The following C9 variants were observed in gnomAD, a reference collection of about 807,000 sequenced individuals.
The protein encoded by C9 is complement C9, also known as complement component C9.
A neutral mutation model predicts 65.4 loss-of-function variants in C9; 63 were observed. The observed-to-expected ratio is 0.96, with a 90% CI of 0.79 to 1.19. C9 has a LOEUF of 1.19. Ranked by LOEUF, C9 falls within the 50% of genes most tolerant of loss-of-function variation. The pLI is 0.00. For missense variants in C9, 744 were observed against 670.1 expected (o/e 1.11, Z -1.22); for synonymous variants, 229 against 227.9 (o/e 1.00, Z -0.04).
In C9 at chr5:39,292,899, A is replaced by C. The variant is rs73749492; in HGVS notation, c.1417-3948T>G. 2.7e-3 allele frequency among the ~76,000 whole-genome samples: 281 copies of C among 104,440 alleles called. 1 individual carries two copies. The highest frequency in any genetic ancestry group is 7.7e-3 in the African/African-American group (270 of 35,058). 68.5% of individuals were successfully genotyped at this position (104,440 alleles called of 152,430 possible). A position where few individuals can be genotyped will look rare whatever the true frequency, so the allele number is the denominator to read the frequency against. On this transcript the variant is annotated intron_variant, in intron 9 of 10. Transcript: ENST00000263408. ...AATATTTTTTAAAAGAGACATGAGT[A>C]ATATATCAATACTGGAAATAAAATG...
intron 9 of C9, among the ~76,000 whole-genome samples, chr5:39,295,623 T>C (rs1445354197): frequency 6.6e-6 from 1 of 151,530 alleles, no homozygotes; most frequent in Non-Finnish European, 1.5e-5. Flanking sequence ...TTCAGTGCAA[T>C]CTCTATCAAA....
intron 5 of C9, among the ~76,000 whole-genome samples, chr5:39,329,974 T>C (rs1753813624): frequency 6.6e-6 from 1 of 152,206 alleles, no homozygotes; most frequent in South Asian, 2.1e-4. Context: ...ATAAGGGGAT[T>C]ATCAGCAGTG....
intron 1 of C9, among the ~76,000 whole-genome samples, chr5:39,355,271 C>T (rs1008505194): frequency 2.0e-5 from 3 of 152,162 alleles, no homozygotes; most frequent in Non-Finnish European, 4.4e-5. Flanking sequence ...CAGTCCATTA[C>T]TGGATAAATC....
intron 9 of C9, among the ~76,000 whole-genome samples, chr5:39,306,264 G>A (rs1407404867): frequency 1.3e-5 from 2 of 152,050 alleles, no homozygotes; most frequent in Admixed American, 6.6e-5. Context: ...AGGGGCCGAC[G>A]GGAGGGAACT....
rs1002852592 is a variant in C9, at chr5:39,334,028, C to T, written c.477-2214G>A. Among the ~76,000 whole-genome samples, 67 of 152,172 alleles carry T rather than the reference C, an allele frequency of 4.4e-4. 1 individual carries two copies. Among genetic ancestry groups the T allele is most frequent in the Admixed American group, 1.3e-3 (20 of 15,286 alleles). On this transcript the variant is annotated intron_variant, in intron 4 of 10. Coordinates refer to ENST00000263408, the MANE Select transcript of C9 (RefSeq NM_001737.5). ...GCCGAGATTGCAGCCTCTGCCCGGC[C>T]GCCACCCCGTCTGGGAAGTGAGGAG... is the stretch of plus-strand genomic sequence containing the variant.
chr5:39,300,588 A>G (rs888164139), intron 9 of C9, among the ~76,000 whole-genome samples: 1 of 152,096 alleles, frequency 6.6e-6, no homozygotes, highest in African/African-American at 2.4e-5. Context: ...CGTCTGGCAA[A>G]CATAGGTAAT....
chr5:39,302,904 G>A (rs149091388), intron 9 of C9, among the ~76,000 whole-genome samples: 1 of 152,070 alleles, frequency 6.6e-6, no homozygotes, highest in Non-Finnish European at 1.5e-5. Context: ...AACAAAATGA[G>A]ATTAAAGAGT....
At chr5:39,291,788 G>A (rs531961164) in intron 9 of C9, among the ~76,000 whole-genome samples, 95 of 151,872 alleles carry the variant, frequency 6.3e-4, no homozygotes, top group African/African-American at 2.2e-3. Flanking sequence ...CATGATAAAA[G>A]AGATGAAAAA....
intron 5 of C9, among the ~76,000 whole-genome samples, chr5:39,322,253 A>G (rs1416869783): frequency 6.6e-6 from 1 of 152,058 alleles, no homozygotes. Flanking sequence ...ACAATAAATA[A>G]GTCAATGAAG....
chr5:39,286,098 G>A (rs1752987105), intron 10 of C9, among the ~76,000 whole-genome samples: 1 of 152,008 alleles, frequency 6.6e-6, no homozygotes, highest in African/African-American at 2.4e-5. Flanking sequence ...TTTATATTGG[G>A]GAAGGGACCT....
chr5:39,317,755 A>G (rs569906989), intron 5 of C9, among the ~76,000 whole-genome samples: 16 of 152,298 alleles, frequency 1.1e-4, no homozygotes, highest in African/African-American at 3.4e-4. Context: ...GCCTTGTACT[A>G]TAGTTCGAAG....
At chr5:39,302,281 C>T (rs1300916690) in intron 9 of C9, among the ~76,000 whole-genome samples, 5 of 151,918 alleles carry the variant, frequency 3.3e-5, no homozygotes, top group South Asian at 2.1e-4. Context: ...ACTTTTTCTC[C>T]TATACTACAT....
intron 5 of C9, among the ~76,000 whole-genome samples, chr5:39,329,885 C>T (rs1753812611): frequency 6.6e-6 from 1 of 151,988 alleles, no homozygotes; most frequent in African/African-American, 2.4e-5. Flanking sequence ...AGATATTTCC[C>T]CTCATGTAAG....
At chr5:39,300,877 CT>C (rs2111863857) in intron 9 of C9, among the ~76,000 whole-genome samples, 1 of 152,046 alleles carries the variant, frequency 6.6e-6, no homozygotes, top group African/African-American at 2.4e-5. Flanking sequence ...ATTTTTCTTG[CT>C]TTATTTCACT....
At chr5:39,335,144 A>T (rs546597439) in intron 4 of C9, among the ~76,000 whole-genome samples, 1 of 152,346 alleles carries the variant, frequency 6.6e-6, no homozygotes, top group Admixed American at 6.5e-5. Context: ...ATGATAGTGA[A>T]CTACATATCT....
intron 9 of C9, among the ~76,000 whole-genome samples, chr5:39,290,490 A>G (rs1273727444): frequency 6.6e-6 from 1 of 151,806 alleles, no homozygotes; most frequent in Non-Finnish European, 1.5e-5. Flanking sequence ...AAAACAAAAA[A>G]CAAACCAAAA....
Position 39,352,497 on chromosome 5 carries a change from A to G in C9, c.78-10301T>C, listed in dbSNP as rs550090417. Among the ~76,000 whole-genome samples, 6 of 152,248 alleles carry G rather than the reference A, an allele frequency of 3.9e-5. No homozygotes were observed. The East Asian group carries it at 9.7e-4, about 25-fold the overall frequency. ...TCCCTTGTATTTATTGTCTTGGCAA[A>G]TGGCACTTCCATTTATGCAGTCATT... is the stretch of plus-strand genomic sequence containing the variant. On this transcript the variant is annotated intron_variant, in intron 1 of 10. Coordinates refer to ENST00000263408, the MANE Select transcript of C9 (RefSeq NM_001737.5).
At chr5:39,328,583 C>T (rs908703442) in intron 5 of C9, among the ~76,000 whole-genome samples, 1 of 151,990 alleles carries the variant, frequency 6.6e-6, no homozygotes, top group African/African-American at 2.4e-5. Flanking sequence ...AAGGACATTG[C>T]TAATATTGGC....
At chr5:39,308,916 T>C (rs1753427664) in intron 7 of C9, among the ~76,000 whole-genome samples, 1 of 152,186 alleles carries the variant, frequency 6.6e-6, no homozygotes, top group African/African-American at 2.4e-5. Context: ...CTTCATAATT[T>C]GGATGAGATA....
Sources: gnomAD v4.1 joint callset for allele counts (sites outside exome capture counted in the v4.1 genomes callset) on GRCh38, gnomAD v4.1.1 for gene constraint, MANE v1.5 for transcripts, NCBI Gene and HGNC (gene_info 2026-07-23, HGNC 2026-07-21) for gene names.